The following CNOT1 variants were observed in gnomAD, a reference collection of about 807,000 sequenced individuals.
CNOT1 encodes CCR4-associated factor 1.
Under a neutral mutation model 273.8 loss-of-function variants are expected in CNOT1, and 15 were observed. The ratio of observed to expected loss-of-function variants is 0.05; its 90% CI spans 0.04 to 0.08. CNOT1 has a LOEUF of 0.08. Ranked by LOEUF, CNOT1 falls within the 10% of genes least tolerant of loss-of-function variation. The probability of loss-of-function intolerance (pLI) is 1.00; values close to 1 mark genes in which losing one functional copy is unlikely to be tolerated. For synonymous variants in CNOT1, 1,022 were observed against 1,005.5 expected, an observed-to-expected ratio of 1.02 and a Z score of -0.31; for missense variants, 1,644 against 2,912.2, an observed-to-expected ratio of 0.56 and a Z score of 10.02.
At chr16:58,533,739 G>A (rs12924708) in intron 40 of CNOT1, among the ~76,000 whole-genome samples, 7,684 of 152,282 alleles carry the variant, frequency 0.05, 263 homozygotes, top group Middle Eastern at 0.088. Flanking sequence ...GTAGGAGAAC[G>A]GTGTGAACCT....
chr16:58,524,198 C>T (rs37051), intron 46 of CNOT1, among the ~76,000 whole-genome samples: 36,743 of 144,726 alleles, frequency 0.25, 4,955 homozygotes, highest in East Asian at 0.39. Flanking sequence ...TATGGTGAGC[C>T]GATATTGCGC....
intron 42 of CNOT1, among the ~76,000 whole-genome samples, chr16:58,531,682 AAAAG>A (rs557544474): frequency 2.0e-4 from 30 of 147,896 alleles, no homozygotes; most frequent in African/African-American, 5.8e-4. Flanking sequence ...AAAACATTTT[AAAAG>A]AAAGAAAGGA....
rs150029250 is a variant in CNOT1 at position 58,576,271 on chromosome 16, G to A, written c.1704+192C>T. Among the ~76,000 whole-genome samples the A allele has an allele frequency of 4.1e-3, 619 of 151,914 alleles. 7 individuals are homozygous for A. The highest frequency in any genetic ancestry group is 0.012 in the East Asian group (60 of 5,158). On this transcript the variant is annotated intron_variant, in intron 14 of 48. Coordinates refer to ENST00000317147, the MANE Select transcript of CNOT1 (RefSeq NM_016284.5). ...GATTACAGGCACGCACTCCACGCCC[G>A]GCTAATTTTTCTATTTTTAGTAGAG... is the stretch of plus-strand genomic sequence containing the variant.
At chr16:58,620,425 G>T (rs1484038490) in intron 1 of CNOT1, among the ~76,000 whole-genome samples, 1 of 152,084 alleles carries the variant, frequency 6.6e-6, no homozygotes, top group Non-Finnish European at 1.5e-5. Flanking sequence ...CAGATCACCT[G>T]AGGTCAGGGG....
At chr16:58,524,693 T>C (rs1224850990) in intron 46 of CNOT1, among the ~76,000 whole-genome samples, 2 of 152,038 alleles carry the variant, frequency 1.3e-5, no homozygotes, top group East Asian at 1.9e-4. Flanking sequence ...AAGATAAATA[T>C]AGAGGACCAA....
At chr16:58,557,835 A>G (rs1427900530) in intron 18 of CNOT1, among the ~76,000 whole-genome samples, 1 of 152,014 alleles carries the variant, frequency 6.6e-6, no homozygotes, top group Admixed American at 6.6e-5. Flanking sequence ...CTAAAAATAC[A>G]AAAAATTAGC....
chr16:58,538,677 A>G, intron 36 of CNOT1, 95 bp downstream of exon 36: 4 of 1,536,422 alleles, frequency 2.6e-6, no homozygotes, highest in Non-Finnish European at 3.5e-6. Context: ...CCTACCTACT[A>G]GAAAAAAGGG....
intron 1 of CNOT1, among the ~76,000 whole-genome samples, chr16:58,607,068 C>T (rs971589022): frequency 2.0e-5 from 3 of 152,092 alleles, no homozygotes; most frequent in Non-Finnish European, 2.9e-5. Context: ...CAAAAGTATA[C>T]TCATGACACT....
At position 58,587,209 on chromosome 16, in the gene CNOT1, C is replaced by T; in HGVS notation, c.425G>A (p.Arg142Lys). 6.2e-7 allele frequency: 1 copy of T among 1,613,120 alleles called. No homozygotes were observed. The highest frequency in any genetic ancestry group is 2.2e-5 in the East Asian group (1 of 44,858). The change falls in exon 6 of 49, where the codon AGA becomes AAA. Residue 142 changes from arginine to lysine, a missense_variant. Coordinates refer to ENST00000317147, the MANE Select transcript of CNOT1 (RefSeq NM_016284.5). ...ALLNSSSSDL[R>K]GFAAQFIKQK... Reference sequence around the variant, plus strand: ...TGGAAAAAGTAACTCACCGAAACCTCTAAGATCTGAGCTGGAAGAATTCAA... The same window carrying T: ...TGGAAAAAGTAACTCACCGAAACCTTTAAGATCTGAGCTGGAAGAATTCAA...
At chr16:58,585,186 C>G in intron 8 of CNOT1, 152 bp downstream of exon 8, 1 of 1,095,844 alleles carries the variant, frequency 9.1e-7, no homozygotes, top group Non-Finnish European at 1.3e-6. Context: ...ACAGCTGTCA[C>G]ACACACTAGT....
At chr16:58,572,058 C>T (rs1022063310) in intron 16 of CNOT1, among the ~76,000 whole-genome samples, 1 of 151,412 alleles carries the variant, frequency 6.6e-6, no homozygotes, top group Non-Finnish European at 1.5e-5. Context: ...CCAAGGCGGG[C>T]GGATCACCTG....
rs201884249 is a variant in CNOT1, at chr16:58,583,115, T to G, written c.874A>C (p.Arg292=). ...GTTCGAGCCATCATTCCCAAAACCC[T>G]TGCAACCTGGGCAGCTGTGACCTCC... ...VREVTAAQVA[R]VLGMMARTHS... The change falls in exon 9 of 49, where the codon AGG becomes CGG. Residue 292 remains arginine (R), a synonymous_variant. Coordinates refer to ENST00000317147, the MANE Select transcript of CNOT1 (RefSeq NM_016284.5). 98 of 1,613,952 alleles carry G rather than the reference T, an allele frequency of 6.1e-5. No homozygotes were observed. The highest frequency in any genetic ancestry group is 7.5e-5 in the Non-Finnish European group (89 of 1,180,032).
chr16:58,547,739 A>G lies in CNOT1; in HGVS notation c.3523-57T>C, dbSNP rs2040304961. On this transcript the variant is annotated intron_variant, in intron 25 of 48. Transcript: ENST00000317147. The surrounding 1 kb of genome is among the most constrained non-coding windows in gnomAD (Gnocchi z 4.0). ...GAATAAGCTTATGAAAGAAAACTCA[A>G]CTAAGTATTTGAGAATTCCATTATC... 1 of 1,528,050 alleles carries G rather than the reference A, an allele frequency of 6.5e-7. No homozygotes were observed. Among genetic ancestry groups the G allele is most frequent in the Non-Finnish European group, 8.9e-7 (1 of 1,127,032 alleles). 94.7% of individuals were successfully genotyped at this position (1,528,050 alleles called of 1,614,324 possible). A position where few individuals can be genotyped will look rare whatever the true frequency, so the allele number is the denominator to read the frequency against.
rs747029966 is a variant in CNOT1, at chr16:58,556,973, T to C, written c.2353A>G (p.Ser785Gly). Reference sequence around the variant, plus strand: ...GCACCAGTTCCTATACCAGTCAGGCTGCCTGTGCCAAGACCACCTACTAGA... The same window carrying C: ...GCACCAGTTCCTATACCAGTCAGGCCGCCTGTGCCAAGACCACCTACTAGA... ...QLPVGGLGTGSLTGIGTGALG... is the reference protein window; with the variant it reads ...QLPVGGLGTGGLTGIGTGALG... Residue 785 changes from serine (S) to glycine (G), a missense_variant, in exon 19 of 49, where the codon AGC becomes GGC. By Grantham distance (56) the Ser-to-Gly change is moderately conservative. This residue lies in a region of CNOT1 where 706 missense variants were observed against 1,021.2 expected (regional missense o/e 0.69). Transcript: ENST00000317147. The C allele has an allele frequency of 5.6e-6, 9 of 1,613,988 alleles. No individual in the cohort carries two copies.
rs957454168 is a variant in CNOT1, at chr16:58,546,876, TAAAA to T, written c.3751-131_3751-128del. ...CAAATAAAAAACAAAAAACAAGGATTAAAAAATAACCAAAAACAGTTAAACATAG... is the reference window on the plus strand; with the variant it reads ...CAAATAAAAAACAAAAAACAAGGATTAATAACCAAAAACAGTTAAACATAG... On this transcript the variant is annotated intron_variant, in intron 27 of 48. Transcript: ENST00000317147. The T allele has an allele frequency of 6.5e-6, 8 of 1,236,776 alleles. No homozygotes were observed. In the African/African-American group the frequency reaches 1.2e-4, roughly 19 times the overall value. The allele number at this position is 1,236,776 out of a possible 1,614,324, so 76.6% of individuals were successfully genotyped here. A position where few individuals can be genotyped will look rare whatever the true frequency, so the allele number is the denominator to read the frequency against.
Position 58,542,573 on chromosome 16 carries a change from T to C in CNOT1, c.4435-5A>G. On this transcript the variant is annotated splice_polypyrimidine_tract_variant and splice_region_variant and intron_variant, in intron 31 of 48. Transcript: ENST00000317147. ...TCTTTGTTGTGGGGAAGCAGTCTAT[T>C]AATGGAGGTGGGTGGGGGGGTGGGG... The C allele has an allele frequency of 6.1e-6, 7 of 1,151,594 alleles. No homozygotes were observed. The highest frequency in any genetic ancestry group is 8.0e-6 in the Non-Finnish European group (7 of 880,382). 71.3% of individuals were successfully genotyped at this position (1,151,594 alleles called of 1,614,324 possible).
At chr16:58,546,839 G>T in intron 27 of CNOT1, 90 bp from the exon 28 acceptor site, 1 of 1,502,660 alleles carries the variant, frequency 6.7e-7, no homozygotes. Flanking sequence ...AAGGGGGTAG[G>T]GGGGAGTCAA....
chr16:58,585,484 G>C lies in CNOT1; in HGVS notation c.660C>G (p.Pro220=), dbSNP rs775298615. ...LRRDFPQERC[P]VVLAPLLYPE... ...GGTATAAAAGTGGTGCGAGCACCAC[G>C]GGACAGCGTTCTTGGGGAAAATCTG... The change falls in exon 8 of 49, where the codon CCC becomes CCG. Residue 220 remains proline, a synonymous_variant. Coordinates refer to ENST00000317147, the MANE Select transcript of CNOT1 (RefSeq NM_016284.5). 2.5e-6 allele frequency: 4 copies of C among 1,611,954 alleles called. No individual in the cohort carries two copies. Among genetic ancestry groups the C allele is most frequent in the African/African-American group, 2.7e-5 (2 of 74,808 alleles).
chr16:58,598,735 A>G (rs1007270998), intron 2 of CNOT1, among the ~76,000 whole-genome samples: 15 of 152,070 alleles, frequency 9.9e-5, no homozygotes, highest in Non-Finnish European at 4.4e-5. Context: ...TATAATTTCT[A>G]TGGAAAATAA....
Sources: gnomAD v4.1 joint callset for allele counts (sites outside exome capture counted in the v4.1 genomes callset) on GRCh38, gnomAD v4.1.1 for gene constraint, gnomAD v4.1.1 regional missense constraint, Gnocchi (gnomAD v3.1) non-coding constraint, MANE v1.5 for transcripts, NCBI Gene and HGNC (gene_info 2026-07-23, HGNC 2026-07-21) for gene names.